TDRD1: variants seen among roughly 807,000 people sequenced by gnomAD.
TDRD1 encodes the protein tudor domain-containing protein 1.
Under a neutral mutation model 140.6 loss-of-function variants are expected in TDRD1, and 37 were observed. The observed-to-expected ratio is 0.26, with a 90% CI of 0.20 to 0.35. TDRD1 has a LOEUF of 0.35. Among genes scored for constraint, TDRD1 ranks in the 10% least tolerant of loss-of-function variants. The pLI is 1.00. For synonymous variants in TDRD1, 506 were observed against 475.7 expected (o/e 1.06, Z -0.83); for missense variants, 1,243 against 1,393.0 (o/e 0.89, Z 1.71).
At chr10:114,231,015 C>T (rs1056921889) in intron 25 of TDRD1, among the ~76,000 whole-genome samples, 8 of 152,168 alleles carry the variant, frequency 5.3e-5, no homozygotes, top group East Asian at 3.9e-4. Context: ...TGCAGTGAGC[C>T]GAGATGGCAC....
chr10:114,205,433 G>A (rs902890713), intron 10 of TDRD1, among the ~76,000 whole-genome samples: 7 of 152,124 alleles, frequency 4.6e-5, no homozygotes, highest in African/African-American at 9.7e-5. Flanking sequence ...GTAGAAAATC[G>A]GCTAATCTCT....
At chr10:114,230,578 T>C (rs2036700817) in intron 25 of TDRD1, among the ~76,000 whole-genome samples, 1 of 152,226 alleles carries the variant, frequency 6.6e-6, no homozygotes, top group South Asian at 2.1e-4. Context: ...AAAACAGTTG[T>C]GTCAACTTCC....
Position 114,227,410 on chromosome 10 carries a change from C to T in TDRD1, c.3403+111C>T, listed in dbSNP as rs545502108. On this transcript the variant is annotated intron_variant, in intron 23 of 25. Coordinates refer to ENST00000251864, the Ensembl canonical transcript of TDRD1. ...TTCCCATGCCATACTCTCTCCTCCT[C>T]CTCCACAAATCCAGTGGCAGGGTTC... The T allele has an allele frequency of 1.9e-4, 153 of 802,226 alleles. 4 individuals are homozygous for T. The South Asian group carries it at 2.6e-3, about 14-fold the overall frequency. The allele number at this position is 802,226 out of a possible 1,614,324, so 49.7% of individuals were successfully genotyped here.
chr10:114,222,053 G>GA (rs937909556), intron 20 of TDRD1, among the ~76,000 whole-genome samples: 26 of 152,216 alleles, frequency 1.7e-4, no homozygotes, highest in Middle Eastern at 3.4e-3. Flanking sequence ...TTTTAAAGCT[G>GA]AAAAAATGAA....
chr10:114,212,750 T>C (rs114904467), intron 14 of TDRD1, among the ~76,000 whole-genome samples: 312 of 152,340 alleles, frequency 2.0e-3, no homozygotes, highest in African/African-American at 7.0e-3. Flanking sequence ...GATTGTTTTA[T>C]ACTTTTGTTT....
rs760626343 is a variant in TDRD1, at chr10:114,203,121, G to C, written c.746G>C (p.Arg249Thr). 9.9e-6 allele frequency: 16 copies of C among 1,613,916 alleles called. No individual in the cohort carries two copies. The Admixed American group carries it at 2.3e-4, about 24-fold the overall frequency. ...AAGGAAATAGCCATTTGGGCTGAGA[G>C]AATAATGTTTTCTGATTTGAGAAGT... The change falls in exon 7 of 26, where the codon AGA becomes ACA. Residue 249 changes from arginine to threonine, a missense_variant. Around this residue, in one of 5 missense-constraint regions of TDRD1, gnomAD observed 392 missense variants for 394.1 expected, o/e 0.99. Transcript: ENST00000251864.
intron 2 of TDRD1, 99 bp from the exon 3 acceptor site, chr10:114,190,862 G>T (rs2033911198): frequency 1.6e-5 from 18 of 1,127,954 alleles, no homozygotes; most frequent in Non-Finnish European, 2.1e-5. Flanking sequence ...TTGTGGTATA[G>T]CCCTGTTACT....
At chr10:114,186,374 C>A (rs1447317097) in intron 1 of TDRD1, among the ~76,000 whole-genome samples, 1 of 152,120 alleles carries the variant, frequency 6.6e-6, no homozygotes, top group Non-Finnish European at 1.5e-5. Flanking sequence ...TGCCATTCTC[C>A]TGCCTCAGCC....
At chr10:114,226,628 G>A (rs1045454164) in intron 22 of TDRD1, among the ~76,000 whole-genome samples, 1 of 152,142 alleles carries the variant, frequency 6.6e-6, no homozygotes, top group African/African-American at 2.4e-5. Flanking sequence ...GCTACCTTAT[G>A]AAAGATAAAT....
chr10:114,232,309 A>T (rs2036797894), downstream of TDRD1: 1 of 117,946 alleles, frequency 8.5e-6, no homozygotes, highest in Admixed American at 8.1e-5. Flanking sequence ...AAGGTTAAAA[A>T]AAAAAAAAAA....
At chr10:114,185,765 T>A (rs1295927716) in intron 1 of TDRD1, among the ~76,000 whole-genome samples, 1 of 150,938 alleles carries the variant, frequency 6.6e-6, no homozygotes, top group African/African-American at 2.4e-5. Context: ...TTTTTTGTAT[T>A]TTTAGTAGAG....
At chr10:114,218,033 T>G (rs964740300) in intron 17 of TDRD1, among the ~76,000 whole-genome samples, 7 of 152,222 alleles carry the variant, frequency 4.6e-5, no homozygotes, top group African/African-American at 1.7e-4. Flanking sequence ...ATTTACTACT[T>G]AAATTATTTT....
At chr10:114,208,267 A>G (rs925204521) in intron 11 of TDRD1, among the ~76,000 whole-genome samples, 1 of 152,208 alleles carries the variant, frequency 6.6e-6, no homozygotes, top group Non-Finnish European at 1.5e-5. Flanking sequence ...AAGCCAACAT[A>G]GAGAATGGAG....
intron 16 of TDRD1, among the ~76,000 whole-genome samples, chr10:114,217,197 T>A (rs1444686288): frequency 6.6e-6 from 1 of 152,216 alleles, no homozygotes; most frequent in Non-Finnish European, 1.5e-5. Context: ...ATCCATTTAG[T>A]GATTATAGTC....
At chr10:114,204,622 T>A in intron 9 of TDRD1, 100 bp from the exon 10 acceptor site, 1 of 1,223,870 alleles carries the variant, frequency 8.2e-7, no homozygotes, top group Non-Finnish European at 1.1e-6. Flanking sequence ...AGATTTGTGA[T>A]AAGTTTTCAG....
At chr10:114,220,655 T>G (rs2036083647) in exon 19 of TDRD1, 8 of 1,613,332 alleles carry the variant, frequency 5.0e-6, no homozygotes, top group Non-Finnish European at 6.8e-6. Context: ...CAAGCCAGAG[T>G]GGTTGAAGTC....
At position 114,182,184 on chromosome 10, in the gene TDRD1, G is replaced by C. The variant is rs1038342619; in HGVS notation, c.-7+2768G>C. 5.3e-5 allele frequency among the ~76,000 whole-genome samples: 8 copies of C among 152,162 alleles called. No individual in the cohort carries two copies. The East Asian group carries it at 1.3e-3, about 26-fold the overall frequency. ...TTATGAGAGTCATGTCAGTATAAGA[G>C]TCTCAGATATTTTTGAAAGGTTGTG... On this transcript the variant is annotated intron_variant, in intron 1 of 25. Coordinates refer to ENST00000251864, the Ensembl canonical transcript of TDRD1.
chr10:114,228,030 A>G lies in TDRD1; in HGVS notation c.3451-8A>G. On this transcript the variant is annotated splice_polypyrimidine_tract_variant and splice_region_variant and intron_variant, in intron 24 of 25. Transcript: ENST00000251864. ...AATTAAATCATATGGTTTCTTTTTCACCCACAGGTTGAAAAACATGAACAT... is the reference window on the plus strand; with the variant it reads ...AATTAAATCATATGGTTTCTTTTTCGCCCACAGGTTGAAAAACATGAACAT... 1 of 1,609,782 alleles carries G rather than the reference A, an allele frequency of 6.2e-7. No individual in the cohort carries two copies. The highest frequency in any genetic ancestry group is 8.5e-7 in the Non-Finnish European group (1 of 1,178,210).
chr10:114,193,835 A>G (rs1335188994), intron 3 of TDRD1, among the ~76,000 whole-genome samples: 1 of 152,188 alleles, frequency 6.6e-6, no homozygotes, highest in Admixed American at 6.5e-5. Flanking sequence ...GTTTAGATGT[A>G]GGTTTTTGTA....
Sources: gnomAD v4.1 joint callset for allele counts (sites outside exome capture counted in the v4.1 genomes callset) on GRCh38, gnomAD v4.1.1 for gene constraint, gnomAD v4.1.1 regional missense constraint, MANE v1.5 for transcripts, NCBI Gene and HGNC (gene_info 2026-07-23, HGNC 2026-07-21) for gene names.